SIN3A: variants seen among roughly 807,000 people sequenced by gnomAD.
The protein encoded by SIN3A is SIN3 transcription regulator family member A.
SIN3A carries 14 observed loss-of-function variants against 146.1 expected under a neutral mutation model. That is an observed-to-expected ratio of 0.10 (90% CI 0.06 to 0.15). The LOEUF is 0.15. Among genes scored for constraint, SIN3A ranks in the 10% least tolerant of loss-of-function variants. The pLI, the probability that SIN3A is intolerant of heterozygous loss-of-function variation, is 1.00. For missense variants in SIN3A, 1,028 were observed against 1,576.0 expected, an observed-to-expected ratio of 0.65 and a Z score of 5.89; for synonymous variants, 572 against 572.0, an observed-to-expected ratio of 1.00 and a Z score of 0.00.
At chr15:75,379,283 C>A (rs899843914) in intron 19 of SIN3A, among the ~76,000 whole-genome samples, 6 of 152,124 alleles carry the variant, frequency 3.9e-5, no homozygotes, top group Admixed American at 2.6e-4. Flanking sequence ...CTAGTATAAT[C>A]CATATAAACA....
chr15:75,434,656 A>T (rs1236401893), intron 1 of SIN3A, among the ~76,000 whole-genome samples: 44 of 150,878 alleles, frequency 2.9e-4, no homozygotes, highest in Admixed American at 6.6e-5. Context: ...TCAAAAAAAA[A>T]AAAAATAAAA....
Position 75,370,359 on chromosome 15 carries a change from C to G in SIN3A, c.*1620G>C, listed in dbSNP as rs1433080952. The stretch of plus-strand genomic sequence containing the variant: ...TTTTAACTAAAAAGCAAACATAAAA[C>G]ACACAGAACATTGCTGGTTACAACT... On this transcript the variant is annotated 3_prime_UTR_variant, in exon 21 of 21. Coordinates refer to ENST00000394947, the MANE Select transcript of SIN3A (RefSeq NM_001145358.2). 4 of 152,142 alleles carry G rather than the reference C, an allele frequency of 2.6e-5. No individual in the cohort carries two copies. In the East Asian group the frequency reaches 5.8e-4, roughly 22 times the overall value. The allele number at this position is 152,142 out of a possible 1,614,324, so 9.4% of individuals were successfully genotyped here.
intron 17 of SIN3A, among the ~76,000 whole-genome samples, chr15:75,383,010 C>G (rs2073003498): frequency 1.3e-5 from 2 of 151,964 alleles, no homozygotes; most frequent in Non-Finnish European, 2.9e-5. Flanking sequence ...CTGCTTGAAC[C>G]CAGGAGGCGG....
intron 13 of SIN3A, among the ~76,000 whole-genome samples, chr15:75,395,492 G>A (rs183980076): frequency 6.6e-6 from 1 of 152,286 alleles, no homozygotes; most frequent in African/African-American, 2.4e-5. Flanking sequence ...GATGAGGGAG[G>A]ACAAATCAAA....
At chr15:75,388,146 TG>T (rs1376477184) in intron 16 of SIN3A, 1 of 152,258 alleles carries the variant, frequency 6.6e-6, no homozygotes, top group African/African-American at 2.4e-5. Context: ...CCTTCTACAG[TG>T]GCAGTGTGGA....
intron 9 of SIN3A, among the ~76,000 whole-genome samples, chr15:75,402,585 G>A (rs924810072): frequency 1.3e-5 from 2 of 152,074 alleles, no homozygotes; most frequent in East Asian, 1.9e-4. Flanking sequence ...AGGAATCAAC[G>A]TTAGTGTTTT....
chr15:75,429,916 A>C (rs2073986684), intron 2 of SIN3A, among the ~76,000 whole-genome samples: 1 of 152,226 alleles, frequency 6.6e-6, no homozygotes, highest in Non-Finnish European at 1.5e-5. Context: ...AATAAAGTCA[A>C]GGGAATGATA....
intron 1 of SIN3A, among the ~76,000 whole-genome samples, chr15:75,431,013 T>C (rs903759378): frequency 6.6e-6 from 1 of 152,110 alleles, no homozygotes; most frequent in African/African-American, 2.4e-5. Flanking sequence ...CCTGACCTTG[T>C]GATCCATCCG....
intron 1 of SIN3A, among the ~76,000 whole-genome samples, chr15:75,443,290 T>C (rs1284948621): frequency 1.3e-5 from 2 of 152,168 alleles, no homozygotes; most frequent in Non-Finnish European, 2.9e-5. Flanking sequence ...TTTTTAAATA[T>C]GTCCAATGAA....
At chr15:75,452,139 G>GT, upstream of SIN3A, among the ~76,000 whole-genome samples, 1 of 152,230 alleles carries the variant, frequency 6.6e-6, no homozygotes, top group Non-Finnish European at 1.5e-5. Flanking sequence ...TAAAATGTCT[G>GT]TAAGTGAAAC....
chr15:75,392,789 A>T lies in SIN3A; in HGVS notation c.2304T>A (p.Asn768Lys). 6.2e-7 allele frequency: 1 copy of T among 1,613,042 alleles called. No homozygotes were observed. The highest frequency in any genetic ancestry group is 8.5e-7 in the Non-Finnish European group (1 of 1,179,624). The change falls in exon 15 of 21, where the codon AAT becomes AAA. Residue 768 changes from asparagine (N) to lysine (K), a missense_variant. This residue lies in a region of SIN3A where 488 missense variants were observed against 690.2 expected (regional missense o/e 0.71). Coordinates refer to ENST00000394947, the MANE Select transcript of SIN3A (RefSeq NM_001145358.2). Reference protein sequence around the residue: ...DERQEQATEENAGVPVGPHLS... With the variant: ...DERQEQATEEKAGVPVGPHLS... Reference sequence around the variant, plus strand: ...GGTGTGGGCCAACAGGTACACCAGCATTCTCCTCCGTAGCCTGCTCTTGCC... The same window carrying T: ...GGTGTGGGCCAACAGGTACACCAGCTTTCTCCTCCGTAGCCTGCTCTTGCC...
intron 9 of SIN3A, among the ~76,000 whole-genome samples, chr15:75,403,056 G>A (rs2073440585): frequency 6.6e-6 from 1 of 152,198 alleles, no homozygotes. Context: ...CAAGTAACTG[G>A]CTAGAATTGG....
Position 75,401,902 on chromosome 15 carries a change from C to G in SIN3A, c.1476G>C (p.Gln492His). The G allele has an allele frequency of 6.2e-7, 1 of 1,614,074 alleles. No individual in the cohort carries two copies. The highest frequency in any genetic ancestry group is 8.5e-7 in the Non-Finnish European group (1 of 1,179,946). The change falls in exon 10 of 21, where the codon CAG becomes CAC. Residue 492 changes from glutamine (Q) to histidine (H), a missense_variant. Gln to His is a conservative substitution (Grantham distance 24). This residue lies in a region of SIN3A where 157 missense variants were observed against 284.8 expected (regional missense o/e 0.55). Transcript: ENST00000394947. ...CAAGCTCAGCACGAGAGATCACCTC[C>G]TGGTTAAAAATAACAAGACAGCGTA... is the stretch of plus-strand genomic sequence containing the variant. ...NFLRCLVIFN[Q>H]EVISRAELVQ...
At chr15:75,402,045 C>T (rs1168420433) in intron 9 of SIN3A, 75 bp from the exon 10 acceptor site, 3 of 919,320 alleles carry the variant, frequency 3.3e-6, no homozygotes, top group South Asian at 2.8e-5. Context: ...CTCGCTCTGT[C>T]GCCCAGGAGG....
intron 6 of SIN3A, 26 bp from the exon 7 acceptor site, chr15:75,410,312 T>C (rs755607850): frequency 6.2e-7 from 1 of 1,608,412 alleles, no homozygotes; most frequent in Non-Finnish European, 8.5e-7. Flanking sequence ...TGAAAAGAGA[T>C]CATTTGGGCT....
chr15:75,410,935 A>G (rs1567366660), intron 6 of SIN3A, among the ~76,000 whole-genome samples: 1 of 147,462 alleles, frequency 6.8e-6, no homozygotes, highest in East Asian at 2.0e-4. Flanking sequence ...ACACTGCACT[A>G]TTGCACTCCA....
intron 6 of SIN3A, 114 bp from the exon 7 acceptor site, chr15:75,410,400 T>C: frequency 9.3e-7 from 1 of 1,081,036 alleles, no homozygotes; most frequent in South Asian, 1.6e-5. Context: ...GAAGAAAGTC[T>C]ATGTTCTTAG....
chr15:75,394,595 A>G (rs759536799), intron 14 of SIN3A, 85 bp downstream of exon 14: 46 of 1,154,508 alleles, frequency 4.0e-5, no homozygotes, highest in Non-Finnish European at 5.3e-5. Context: ...TCTCACCTGC[A>G]TTTAACAAAG....
At chr15:75,409,741 A>C (rs543144430) in intron 8 of SIN3A, 95 bp downstream of exon 8, 158 of 1,422,666 alleles carry the variant, frequency 1.1e-4, no homozygotes, top group Middle Eastern at 2.6e-4. Context: ...AAACAAAAAA[A>C]AACAACAACA....
Sources: allele counts gnomAD v4.1 joint callset (sites outside exome capture counted in the v4.1 genomes callset), GRCh38; gene constraint gnomAD v4.1.1; regional missense constraint gnomAD v4.1.1; transcripts MANE v1.5; gene names NCBI Gene and HGNC (gene_info 2026-07-23, HGNC 2026-07-21).